Variants in TTC21B observed in about 807,000 individuals in gnomAD.
TTC21B encodes the protein tetratricopeptide repeat protein 21B.
Under a neutral mutation model 175.1 loss-of-function variants are expected in TTC21B, and 127 were observed. The ratio of observed to expected loss-of-function variants is 0.73; its 90% CI spans 0.63 to 0.84. TTC21B has a LOEUF of 0.84. Ranked by LOEUF, TTC21B falls within the 40% of genes least tolerant of loss-of-function variation. The pLI, the probability that TTC21B is intolerant of heterozygous loss-of-function variation, is 0.00. For synonymous variants in TTC21B, 524 were observed against 524.5 expected (o/e 1.00, Z 0.01); for missense variants, 1,561 against 1,558.3 (o/e 1.00, Z -0.03).
intron 10 of TTC21B, 144 bp downstream of exon 10, chr2:165,929,506 G>C (rs1686804581): frequency 1.1e-6 from 1 of 897,332 alleles, no homozygotes. Flanking sequence ...GTTTAGTTTT[G>C]AATGGAGGTA....
intron 4 of TTC21B, 48 bp from the exon 5 acceptor site, chr2:165,943,389 T>A (rs1559075141): frequency 4.3e-6 from 6 of 1,406,066 alleles, no homozygotes; most frequent in Non-Finnish European, 5.9e-6. Flanking sequence ...ATGAGAGAAA[T>A]AAATGTTAAT....
At chr2:165,892,069 G>A (rs562664638) in intron 22 of TTC21B, among the ~76,000 whole-genome samples, 18 of 152,170 alleles carry the variant, frequency 1.2e-4, no homozygotes, top group African/African-American at 4.3e-4. Flanking sequence ...CTTCTAAAAC[G>A]TGATTTTTAA....
intron 16 of TTC21B, among the ~76,000 whole-genome samples, chr2:165,913,324 C>G (rs1686026008): frequency 6.6e-6 from 1 of 152,102 alleles, no homozygotes. Context: ...CCGTGCCTGG[C>G]CTCATCTCTA....
At chr2:165,937,990 G>A (rs1258510599) in intron 6 of TTC21B, among the ~76,000 whole-genome samples, 1 of 151,998 alleles carries the variant, frequency 6.6e-6, no homozygotes, top group Non-Finnish European at 1.5e-5. Context: ...ACAGCTTGTC[G>A]TACCAAATAG....
rs13392714 is a variant in TTC21B, at chr2:165,891,207, T to C, written c.2951-219A>G. On this transcript the variant is annotated intron_variant, in intron 22 of 28. Coordinates refer to ENST00000243344, the MANE Select transcript of TTC21B (RefSeq NM_024753.5). Reference sequence around the variant, plus strand: ...GGCTAGGCTGGTCACAGTGTCTACATAGGCAAATCTAGAAAAATGCATATT... The same window carrying C: ...GGCTAGGCTGGTCACAGTGTCTACACAGGCAAATCTAGAAAAATGCATATT... 0.043 allele frequency among the ~76,000 whole-genome samples: 6,560 copies of C among 152,172 alleles called. 457 individuals are homozygous for C. Among genetic ancestry groups the C allele is most frequent in the African/African-American group, 0.15 (6,211 of 41,472 alleles).
Position 165,913,568 on chromosome 2 carries a change from T to C in TTC21B, c.2211+6A>G. The C allele has an allele frequency of 6.2e-7, 1 of 1,604,528 alleles. No homozygotes were observed. Among genetic ancestry groups the C allele is most frequent in the Non-Finnish European group, 8.5e-7 (1 of 1,171,864 alleles). ...AAATGCAGTTCAGTAACATCAGAAA[T>C]TTTACCTCTAGAATATTCATGTATG... On this transcript the variant is annotated splice_donor_region_variant and intron_variant, in intron 16 of 28. Coordinates refer to ENST00000243344, the MANE Select transcript of TTC21B (RefSeq NM_024753.5).
At chr2:165,899,522 G>T (rs1196209826) in intron 21 of TTC21B, among the ~76,000 whole-genome samples, 1 of 152,018 alleles carries the variant, frequency 6.6e-6, no homozygotes, top group Non-Finnish European at 1.5e-5. Flanking sequence ...CATCCCCTTA[G>T]GCATAAATAA....
At chr2:165,882,055 C>T (rs1684852455) in intron 26 of TTC21B, among the ~76,000 whole-genome samples, 1 of 152,104 alleles carries the variant, frequency 6.6e-6, no homozygotes. Flanking sequence ...TATTATTTAT[C>T]TTGATTACTA....
intron 4 of TTC21B, among the ~76,000 whole-genome samples, chr2:165,944,134 G>T (rs1431158258): frequency 6.6e-6 from 1 of 152,010 alleles, no homozygotes; most frequent in African/African-American, 2.4e-5. Flanking sequence ...ATCATTGAAT[G>T]GTTTTAACTA....
At chr2:165,932,660 G>A (rs61075200) in intron 7 of TTC21B, among the ~76,000 whole-genome samples, 44,678 of 151,440 alleles carry the variant, frequency 0.3, 7,491 homozygotes, top group Non-Finnish European at 0.39. Context: ...GTTACATTAC[G>A]TATCTAGTTA....
At chr2:165,897,440 T>A (rs1036228899) in intron 22 of TTC21B, among the ~76,000 whole-genome samples, 8 of 152,184 alleles carry the variant, frequency 5.3e-5, no homozygotes, top group African/African-American at 1.4e-4. Context: ...AGGTTAACTG[T>A]GAGGTCTGGG....
In TTC21B at chr2:165,931,477, A is replaced by C. The variant is rs567410249; in HGVS notation, c.894+281T>G. Among the ~76,000 whole-genome samples, 4 of 152,234 alleles carry C rather than the reference A, an allele frequency of 2.6e-5. No homozygotes were observed. In the South Asian group the frequency reaches 8.3e-4, roughly 32 times the overall value. ...AAGAGCAATCCTGGTCATAAATCTT[A>C]TGCTCTGATGAAAATAAACCACCTT... On this transcript the variant is annotated intron_variant, in intron 8 of 28. Coordinates refer to ENST00000243344, the MANE Select transcript of TTC21B (RefSeq NM_024753.5).
At chr2:165,953,180 G>C (rs1347803337) in intron 1 of TTC21B, among the ~76,000 whole-genome samples, 1 of 152,080 alleles carries the variant, frequency 6.6e-6, no homozygotes, top group Non-Finnish European at 1.5e-5. Context: ...TAAGTTGACC[G>C]TCATTAATAT....
rs1008951173 is a variant in TTC21B at position 165,902,729 on chromosome 2, C to T, written c.2569-819G>A. On this transcript the variant is annotated intron_variant, in intron 19 of 28. Transcript: ENST00000243344. ...ATGCATACATCTGTTCATGTTTTTG[C>T]ATAGCTATACACATATATACACATT... Among the ~76,000 whole-genome samples the T allele has an allele frequency of 4.6e-5, 7 of 152,262 alleles. 1 individual carries two copies. The South Asian group carries it at 1.0e-3, about 23-fold the overall frequency.
intron 6 of TTC21B, among the ~76,000 whole-genome samples, chr2:165,938,315 A>G (rs983588745): frequency 6.6e-6 from 1 of 152,074 alleles, no homozygotes; most frequent in Non-Finnish European, 1.5e-5. Flanking sequence ...GTTTTTCTTT[A>G]TAGGTATTCT....
chr2:165,952,708 G>A (rs1198223340), intron 1 of TTC21B, among the ~76,000 whole-genome samples: 1 of 152,164 alleles, frequency 6.6e-6, no homozygotes, highest in Non-Finnish European at 1.5e-5. Context: ...TAAAACTTCA[G>A]GCAGAAAAAC....
At chr2:165,878,662 G>C in intron 27 of TTC21B, among the ~76,000 whole-genome samples, 1 of 150,830 alleles carries the variant, frequency 6.6e-6, no homozygotes, top group Non-Finnish European at 1.5e-5. Flanking sequence ...TGAATTCTAT[G>C]GAAAGAGCAT....
intron 21 of TTC21B, 110 bp from the exon 22 acceptor site, chr2:165,898,877 GGCA>G (rs1302306394): frequency 1.4e-6 from 1 of 728,022 alleles, no homozygotes; most frequent in Non-Finnish European, 2.4e-6. Flanking sequence ...ATGAGGAGGG[GGCA>G]GCATTTTATA....
At chr2:165,924,714 G>A in intron 11 of TTC21B, 36 bp from the exon 12 acceptor site, 2 of 1,587,940 alleles carry the variant, frequency 1.3e-6, no homozygotes, top group Non-Finnish European at 1.7e-6. Context: ...TTTTATAAGT[G>A]TAAAAATAAT....
Sources: allele counts gnomAD v4.1 joint callset (sites outside exome capture counted in the v4.1 genomes callset), GRCh38; gene constraint gnomAD v4.1.1; transcripts MANE v1.5; gene names NCBI Gene and HGNC (gene_info 2026-07-23, HGNC 2026-07-21).